Variants in ATP11A observed in about 807,000 individuals in gnomAD.
ATP11A encodes the protein phospholipid-transporting ATPase IH.
In ATP11A, 81 loss-of-function variants were observed where a neutral mutation model predicts 154.4. That is an observed-to-expected ratio of 0.52 (90% CI 0.44 to 0.63). The LOEUF is 0.63. Ranked by LOEUF, ATP11A falls within the 30% of genes least tolerant of loss-of-function variation. ATP11A has a pLI of 0.00. For synonymous variants in ATP11A, 623 were observed against 585.9 expected (o/e 1.06, Z -0.91); for missense variants, 1,316 against 1,474.3 (o/e 0.89, Z 1.76).
rs1287794674 is a variant in ATP11A, at chr13:112,885,190, T to C, written c.*3324T>C. ...TGTGCATGCTCCTACACAATACATA[T>C]GCACATATCATGAACAGCGTAAGTT... On this transcript the variant is annotated 3_prime_UTR_variant, in exon 30 of 30. Transcript: ENST00000375645. The C allele has an allele frequency of 2.0e-5, 3 of 152,034 alleles. No homozygotes were observed. Among genetic ancestry groups the C allele is most frequent in the Non-Finnish European group, 4.4e-5 (3 of 68,028 alleles). 9.4% of individuals were successfully genotyped at this position (152,034 alleles called of 1,614,324 possible).
rs781465050 is a variant in ATP11A at position 112,785,088 on chromosome 13, G to C, written c.40-47G>C. 7.1e-7 allele frequency: 1 copy of C among 1,408,568 alleles called. No homozygotes were observed. The highest frequency in any genetic ancestry group is 9.3e-7 in the Non-Finnish European group (1 of 1,072,672). The allele number at this position is 1,408,568 out of a possible 1,614,324, so 87.3% of individuals were successfully genotyped here. ...GGCAACACTCTGGGCAAGAGCTTTT[G>C]ATGCAGGTTCTGAGGCAGCTGCCTA... On this transcript the variant is annotated intron_variant, in intron 1 of 29. Transcript: ENST00000375645. This position sits in a 1 kb window ranked among gnomAD's most constrained non-coding sequence, Gnocchi z 4.8.
intron 1 of ATP11A, among the ~76,000 whole-genome samples, chr13:112,777,937 C>A (rs1386058603): frequency 2.0e-5 from 3 of 152,230 alleles, no homozygotes; most frequent in Non-Finnish European, 4.4e-5. Context: ...TCTTATGGCA[C>A]CCTGCACGGA....
intron 19 of ATP11A, among the ~76,000 whole-genome samples, chr13:112,855,045 A>G (rs1460572218): frequency 6.6e-6 from 1 of 152,246 alleles, no homozygotes; most frequent in Admixed American, 6.5e-5. Context: ...CTGAGATTAC[A>G]TGTTATTTGA....
intron 1 of ATP11A, among the ~76,000 whole-genome samples, chr13:112,740,526 G>A (rs185930031): frequency 9.2e-5 from 14 of 152,244 alleles, no homozygotes; most frequent in South Asian, 2.1e-4. Context: ...ACAAAGCCAG[G>A]GTAGGAACGT....
chr13:112,831,542 C>T lies in ATP11A; in HGVS notation c.1389C>T (p.Asn463=), dbSNP rs201730815. 73 of 1,613,904 alleles carry T rather than the reference C, an allele frequency of 4.5e-5. No individual in the cohort carries two copies. The Admixed American group carries it at 8.2e-4, about 18-fold the overall frequency. ...TGATTGACTCGTCCCCCAGCGTCAA[C>T]GGGAGGGTAGGTGGCAGCCCCCACG... ...IDMIDSSPSV[N]GREREELFFR... Residue 463 remains asparagine (N), a synonymous_variant, in exon 13 of 30, where the codon AAC becomes AAT. Coordinates refer to ENST00000375645, the MANE Select transcript of ATP11A (RefSeq NM_015205.3).
intron 1 of ATP11A, among the ~76,000 whole-genome samples, chr13:112,782,667 GGAGACCCAGTCCCGGAGGA>G (rs1467283557): frequency 6.6e-6 from 1 of 152,216 alleles, no homozygotes; most frequent in Non-Finnish European, 1.5e-5. Flanking sequence ...CGTCAGGCAG[GGAGACCCAGTCCCGGAGGA>G]GGAGGGCCCG....
chr13:112,816,354 C>A, intron 6 of ATP11A, 143 bp downstream of exon 6: 2 of 1,009,218 alleles, frequency 2.0e-6, no homozygotes, highest in East Asian at 5.3e-5. Flanking sequence ...CCATGTTTTT[C>A]CTCACTTTTC....
chr13:112,860,284 C>T lies in ATP11A; in HGVS notation c.2728-3C>T, dbSNP rs2080063586. The T allele has an allele frequency of 6.2e-7, 1 of 1,612,154 alleles. No individual in the cohort carries two copies. The highest frequency in any genetic ancestry group is 8.5e-7 in the Non-Finnish European group (1 of 1,178,742). ...GCCACTTCTTGTGACTTTCCTCTTA[C>T]AGACTTTGTACGACACCGCGTATCT... On this transcript the variant is annotated splice_polypyrimidine_tract_variant and splice_region_variant and intron_variant, in intron 23 of 29. Transcript: ENST00000375645.
chr13:112,825,234 A>G (rs383353), intron 10 of ATP11A, among the ~76,000 whole-genome samples, 196 bp from the exon 11 acceptor site: 101,143 of 152,062 alleles, frequency 0.67, 34,587 homozygotes, highest in African/African-American at 0.82. Context: ...CTTACCTTTG[A>G]CCTCTAGAAG....
chr13:112,724,282 T>G (rs1477666216), intron 1 of ATP11A, among the ~76,000 whole-genome samples: 1 of 151,610 alleles, frequency 6.6e-6, no homozygotes, highest in Non-Finnish European at 1.5e-5. Flanking sequence ...ACGGCCTGCT[T>G]CAGACACAGC....
rs902668437 is a variant in ATP11A, at chr13:112,878,427, G to A, written c.*9+124G>A. ...CGTCCACCAGGCGCTGGGTACAGCA[G>A]CCTCACGTCGGGAAGTCCCGCCACC... On this transcript the variant is annotated intron_variant, in intron 29 of 29. Coordinates refer to ENST00000375645, the MANE Select transcript of ATP11A (RefSeq NM_015205.3). The A allele has an allele frequency of 8.0e-6, 8 of 1,005,426 alleles. 1 individual carries two copies. In the African/African-American group the frequency reaches 1.1e-4, roughly 14 times the overall value. 62.3% of individuals were successfully genotyped at this position (1,005,426 alleles called of 1,614,324 possible).
intron 1 of ATP11A, among the ~76,000 whole-genome samples, chr13:112,758,670 A>G (rs936158228): frequency 1.3e-5 from 2 of 151,918 alleles, no homozygotes; most frequent in South Asian, 4.2e-4. Flanking sequence ...TGATCCGCCC[A>G]TCTCGGCCTC....
intron 2 of ATP11A, among the ~76,000 whole-genome samples, chr13:112,795,244 CAAAAT>C (rs888695998): frequency 6.6e-6 from 1 of 152,176 alleles, no homozygotes; most frequent in African/African-American, 2.4e-5. Context: ...GACTTCATCT[CAAAAT>C]AAATAAATAA....
chr13:112,792,153 T>C (rs2077877741), intron 2 of ATP11A, among the ~76,000 whole-genome samples: 1 of 152,150 alleles, frequency 6.6e-6, no homozygotes, highest in Non-Finnish European at 1.5e-5. Context: ...CATCCGGCAA[T>C]ACCTCTTTTG....
intron 1 of ATP11A, among the ~76,000 whole-genome samples, chr13:112,723,430 CCTGA>C (rs963812705): frequency 6.8e-6 from 1 of 147,060 alleles, no homozygotes; most frequent in Non-Finnish European, 1.5e-5. Context: ...CACCACCACA[CCTGA>C]CTAACTTTTG....
At position 112,856,099 on chromosome 13, in the gene ATP11A, G is replaced by C; in HGVS notation, c.2418+14G>C. The C allele has an allele frequency of 6.2e-7, 1 of 1,603,956 alleles. No homozygotes were observed. The highest frequency in any genetic ancestry group is 8.5e-7 in the Non-Finnish European group (1 of 1,175,112). On this transcript the variant is annotated intron_variant, in intron 20 of 29. Transcript: ENST00000375645. ...CAGAAGGCTCAGGTGCTGCCCGCCC[G>C]TCCTCGATAGCTGGTGGTCAGGGCG...
At chr13:112,769,674 C>T (rs2077180335) in intron 1 of ATP11A, among the ~76,000 whole-genome samples, 2 of 152,184 alleles carry the variant, frequency 1.3e-5, no homozygotes, top group African/African-American at 4.8e-5. Context: ...AGGAATGCAC[C>T]AGCCTGAGTC....
In ATP11A at chr13:112,785,089, A is replaced by G. The variant is rs111343463; in HGVS notation, c.40-46A>G. 3,431 of 1,409,426 alleles carry G rather than the reference A, an allele frequency of 2.4e-3. 71 individuals carry two copies. The African/African-American group carries it at 0.044, about 18-fold the overall frequency. The allele number at this position is 1,409,426 out of a possible 1,614,324, so 87.3% of individuals were successfully genotyped here. A position where few individuals can be genotyped will look rare whatever the true frequency, so the allele number is the denominator to read the frequency against. The stretch of plus-strand genomic sequence containing the variant: ...GCAACACTCTGGGCAAGAGCTTTTG[A>G]TGCAGGTTCTGAGGCAGCTGCCTAA... On this transcript the variant is annotated intron_variant, in intron 1 of 29. Coordinates refer to ENST00000375645, the MANE Select transcript of ATP11A (RefSeq NM_015205.3). The surrounding 1 kb of genome is among the most constrained non-coding windows in gnomAD (Gnocchi z 4.8).
At position 112,696,125 on chromosome 13, in the gene ATP11A, G is replaced by A. The variant is rs79985819; in HGVS notation, c.39+5670G>A. 7.3e-3 allele frequency among the ~76,000 whole-genome samples: 1,119 copies of A among 152,340 alleles called. 15 individuals carry two copies. The highest frequency in any genetic ancestry group is 0.028 in the East Asian group (144 of 5,166). On this transcript the variant is annotated intron_variant, in intron 1 of 29. Transcript: ENST00000375645. This position sits in a 1 kb window ranked among gnomAD's most constrained non-coding sequence, Gnocchi z 6.2. ...CGCTTGGTGCCCCATCTGCAAGGTGGGGACTATGATGGTGCCCACCTGGTG... is the reference window on the plus strand; with the variant it reads ...CGCTTGGTGCCCCATCTGCAAGGTGAGGACTATGATGGTGCCCACCTGGTG...
Sources: gnomAD v4.1 joint callset for allele counts (sites outside exome capture counted in the v4.1 genomes callset) on GRCh38, gnomAD v4.1.1 for gene constraint, Gnocchi (gnomAD v3.1) non-coding constraint, MANE v1.5 for transcripts, NCBI Gene and HGNC (gene_info 2026-07-23, HGNC 2026-07-21) for gene names.